SRRM2: variants seen among roughly 807,000 people sequenced by gnomAD.
The protein encoded by SRRM2 is serine/arginine repetitive matrix 2.
A neutral mutation model predicts 213.8 loss-of-function variants in SRRM2; 30 were observed. The observed-to-expected ratio is 0.14, with a 90% CI of 0.10 to 0.19. SRRM2 has a LOEUF of 0.19. SRRM2 is among the 10% of genes least tolerant of loss of function. SRRM2 has a pLI of 1.00. For synonymous variants in SRRM2, 2,025 were observed against 1,377.7 expected (o/e 1.47, Z -10.40); for missense variants, 4,904 against 3,647.0 (o/e 1.34, Z -8.88).
In SRRM2 at chr16:2,759,064, C is replaced by A; in HGVS notation, c.656+17C>A. On this transcript the variant is annotated intron_variant, in intron 6 of 14. Transcript: ENST00000301740. ...GAAGCACAGGTATGAGGTGGGAATACTTGAATGACTGGAGAAGGTTTGCTG... is the reference window on the plus strand; with the variant it reads ...GAAGCACAGGTATGAGGTGGGAATAATTGAATGACTGGAGAAGGTTTGCTG... 1 of 1,614,194 alleles carries A rather than the reference C, an allele frequency of 6.2e-7. No individual in the cohort carries two copies. The highest frequency in any genetic ancestry group is 8.5e-7 in the Non-Finnish European group (1 of 1,180,058).
intron 9 of SRRM2, chr16:2,760,086 T>A: frequency 1.7e-6 from 1 of 602,574 alleles, no homozygotes; most frequent in Non-Finnish European, 2.9e-6. Flanking sequence ...AGTAAAGGGG[T>A]AGAGGGAGAA....
At chr16:2,756,920 G>A (rs569714106) in intron 2 of SRRM2, among the ~76,000 whole-genome samples, 2 of 152,192 alleles carry the variant, frequency 1.3e-5, no homozygotes, top group African/African-American at 4.8e-5. Context: ...AGGTAGAGGA[G>A]CTAGGTAAGC....
chr16:2,765,179 G>C lies in SRRM2; in HGVS notation c.4651G>C (p.Ala1551Pro). 1 of 1,614,186 alleles carries C rather than the reference G, an allele frequency of 6.2e-7. No individual in the cohort carries two copies. The highest frequency in any genetic ancestry group is 8.5e-7 in the Non-Finnish European group (1 of 1,180,032). Residue 1551 changes from alanine to proline, a missense_variant, in exon 11 of 15, where the codon GCA becomes CCA. Physicochemically the swap from Ala to Pro is conservative, Grantham distance 27. Coordinates refer to ENST00000301740, the MANE Select transcript of SRRM2 (RefSeq NM_016333.4). The stretch of plus-strand genomic sequence containing the variant: ...TCAAGAACTTGATGTGAAACCCAGT[G>C]CATCCCCTCAGGAAAGAAGTGAGTC... ...SSQELDVKPS[A>P]SPQERSESDS...
At chr16:2,768,796 C>T (rs2068632062) in intron 11 of SRRM2, 18 of 994,092 alleles carry the variant, frequency 1.8e-5, no homozygotes, top group Non-Finnish European at 2.5e-5. Flanking sequence ...ATGCTGCGGG[C>T]CCCAGCCTGT....
chr16:2,767,536 A>G lies in SRRM2; in HGVS notation c.7008A>G (p.Ala2336=), dbSNP rs1448075916. Residue 2336 remains alanine, a synonymous_variant, in exon 11 of 15, where the codon GCA becomes GCG. Coordinates refer to ENST00000301740, the MANE Select transcript of SRRM2 (RefSeq NM_016333.4). ...GAACACCACAGGCTCCAGCCTCTGC[A>G]AACCTGGTGGGTCCTCGGTCTGCAC... ...SSRTPQAPAS[A]NLVGPRSAHA... is the part of the protein sequence containing the mutation. 1 of 1,614,160 alleles carries G rather than the reference A, an allele frequency of 6.2e-7. No homozygotes were observed. Among genetic ancestry groups the G allele is most frequent in the South Asian group, 1.1e-5 (1 of 91,084 alleles).
At chr16:2,769,711 T>A in intron 12 of SRRM2, 1 of 479,066 alleles carries the variant, frequency 2.1e-6, no homozygotes, top group Non-Finnish European at 4.1e-6. Flanking sequence ...TCTGGCTACT[T>A]CCCTCCACTC....
chr16:2,759,388 C>G lies in SRRM2; in HGVS notation c.726C>G (p.Asp242Glu). Residue 242 changes from aspartate to glutamate, a missense_variant, in exon 8 of 15, where the codon GAC becomes GAG. By Grantham distance (45) the Asp-to-Glu change is conservative (BLOSUM62 2). Transcript: ENST00000301740. ...PTPKSKRKSK[D>E]KKRKRSRSTT... ...CAAAGAGCAAACGTAAATCTAAGGA[C>G]AAAAAGCGAAAGCGGTGAGTGAATT... is the stretch of plus-strand genomic sequence containing the variant. 3 of 1,594,000 alleles carry G rather than the reference C, an allele frequency of 1.9e-6. No homozygotes were observed. The highest frequency in any genetic ancestry group is 2.6e-6 in the Non-Finnish European group (3 of 1,174,076).
In SRRM2 at chr16:2,766,634, C is replaced by G. The variant is rs777929992; in HGVS notation, c.6106C>G (p.Leu2036Val). 1 of 1,614,038 alleles carries G rather than the reference C, an allele frequency of 6.2e-7. No individual in the cohort carries two copies. The highest frequency in any genetic ancestry group is 8.5e-7 in the Non-Finnish European group (1 of 1,179,924). The change falls in exon 11 of 15, where the codon CTG (leucine) becomes GTG (valine). Residue 2036 changes from leucine to valine, a missense_variant. By Grantham distance (32) the Leu-to-Val change is conservative (BLOSUM62 1). Coordinates refer to ENST00000301740, the MANE Select transcript of SRRM2 (RefSeq NM_016333.4). The surrounding 1 kb of genome is among the most constrained non-coding windows in gnomAD (Gnocchi z 7.0). ...GCGCCGCTCTAGATCTCGAACGCCA[C>G]TGTTACCACGCAAACGTTCTCGAAG... ...IRRRSRSRTP[L>V]LPRKRSRSRS...
In SRRM2 at chr16:2,769,441, G is replaced by C. The variant is rs2068661687; in HGVS notation, c.8021+157G>C. 6 of 873,636 alleles carry C rather than the reference G, an allele frequency of 6.9e-6. No individual in the cohort carries two copies. In the Admixed American group the frequency reaches 7.6e-5, roughly 11 times the overall value. The allele number at this position is 873,636 out of a possible 1,614,324, so 54.1% of individuals were successfully genotyped here. A position where few individuals can be genotyped will look rare whatever the true frequency, so the allele number is the denominator to read the frequency against. On this transcript the variant is annotated intron_variant, in intron 12 of 14. Transcript: ENST00000301740. Reference sequence around the variant, plus strand: ...TTGCTCTCCTCTCCCCATGCTCGTTGCACCCTGTTCTGGCGAAGGGCTGCG... The same window carrying C: ...TTGCTCTCCTCTCCCCATGCTCGTTCCACCCTGTTCTGGCGAAGGGCTGCG...
Position 2,769,180 on chromosome 16 carries a change from A to G in SRRM2, c.7917A>G (p.Ser2639=). ...CTTCCTCTTCTTCTTCTTCCTCCTC[A>G]TCTTCCTCCTCCTCGTCGTCTTCCT... ...SSSSSSSSSS[S]SSSSSSSSSP... Residue 2639 remains serine, a synonymous_variant, in exon 12 of 15, where the codon TCA becomes TCG. Transcript: ENST00000301740. The G allele has an allele frequency of 1.9e-6, 3 of 1,605,398 alleles. No individual in the cohort carries two copies. The highest frequency in any genetic ancestry group is 1.1e-5 in the South Asian group (1 of 90,324).
At position 2,764,263 on chromosome 16, in the gene SRRM2, T is replaced by A; in HGVS notation, c.3735T>A (p.Ser1245=). 1 of 1,613,984 alleles carries A rather than the reference T, an allele frequency of 6.2e-7. No individual in the cohort carries two copies. The highest frequency in any genetic ancestry group is 1.6e-4 in the Middle Eastern group (1 of 6,062). The change falls in exon 11 of 15, where the codon TCT becomes TCA. Residue 1245 remains serine, a synonymous_variant. Transcript: ENST00000301740. ...DEELMEVVEK[S]EEPAGQILSH... Reference sequence around the variant, plus strand: ...AGTTAATGGAGGTGGTAGAGAAGTCTGAAGAACCCGCAGGCCAAATCCTGT... The same window carrying A: ...AGTTAATGGAGGTGGTAGAGAAGTCAGAAGAACCCGCAGGCCAAATCCTGT...
chr16:2,757,410 G>A (rs2068183214), intron 2 of SRRM2, 62 bp from the exon 3 acceptor site: 1 of 1,515,088 alleles, frequency 6.6e-7, no homozygotes, highest in South Asian at 1.2e-5. Context: ...TGAGGGAAAT[G>A]GAAACCTGGG....
At chr16:2,768,320 G>A (rs1186459066) in intron 11 of SRRM2, 59 bp downstream of exon 11, 2 of 1,490,908 alleles carry the variant, frequency 1.3e-6, no homozygotes, top group African/African-American at 2.8e-5. Context: ...ATGGGTTGGG[G>A]AGTGGGGAGG....
chr16:2,762,455 A>G lies in SRRM2; in HGVS notation c.1927A>G (p.Arg643Gly), dbSNP rs1264090755. 1.2e-6 allele frequency: 2 copies of G among 1,613,766 alleles called. No homozygotes were observed. The highest frequency in any genetic ancestry group is 1.7e-6 in the Non-Finnish European group (2 of 1,179,952). ...RRSRSRSPARRSGRSRSRTPA... is the reference protein window; with the variant it reads ...RRSRSRSPARGSGRSRSRTPA... ...GTCTCGTAGTAGATCACCAGCCAGG[A>G]GAAGTGGCAGGTCACGCTCTAGAAC... is the stretch of plus-strand genomic sequence containing the variant. Residue 643 changes from arginine to glycine, a missense_variant, in exon 11 of 15, where the codon AGA (arginine) becomes GGA (glycine). Arg to Gly is a moderately radical substitution (Grantham distance 125, BLOSUM62 -2). Transcript: ENST00000301740.
At position 2,764,293 on chromosome 16, in the gene SRRM2, T is replaced by A; in HGVS notation, c.3765T>A (p.His1255Gln). 6.2e-7 allele frequency: 1 copy of A among 1,614,048 alleles called. No individual in the cohort carries two copies. The highest frequency in any genetic ancestry group is 8.5e-7 in the Non-Finnish European group (1 of 1,180,002). ...SEEPAGQILS[H>Q]LSSELKEMST... The stretch of plus-strand genomic sequence containing the variant: ...AACCCGCAGGCCAAATCCTGTCTCA[T>A]TTGTCTTCAGAACTTAAAGAAATGT... The change falls in exon 11 of 15, where the codon CAT (histidine) becomes CAA (glutamine). Residue 1255 changes from histidine (H) to glutamine (Q), a missense_variant. By Grantham distance (24) the His-to-Gln change is conservative (BLOSUM62 0). Transcript: ENST00000301740.
rs747787842 is a variant in SRRM2 at position 2,767,371 on chromosome 16, T to C, written c.6843T>C (p.Ala2281=). The C allele has an allele frequency of 2.5e-6, 4 of 1,613,706 alleles. No homozygotes were observed. The African/African-American group carries it at 5.3e-5, about 22-fold the overall frequency. The change falls in exon 11 of 15, where the codon GCT becomes GCC. Residue 2281 remains alanine (A), a synonymous_variant. Coordinates refer to ENST00000301740, the MANE Select transcript of SRRM2 (RefSeq NM_016333.4). ...ASPRTAVAPS[A]VNLADPRTPT... ...CCAGAACAGCGGTGGCACCTTCGGC[T>C]GTGAACCTGGCTGACCCTCGCACTC...
rs144257955 is a variant in SRRM2 at position 2,768,065 on chromosome 16, A to G, written c.7537A>G (p.Thr2513Ala). The G allele has an allele frequency of 4.9e-3, 7,944 of 1,614,038 alleles. 27 individuals are homozygous for G. Among genetic ancestry groups the G allele is most frequent in the Non-Finnish European group, 6.0e-3 (7,120 of 1,179,950 alleles). ...TGATGTGGGGGAGCCACCTGCCTCT[A>G]CTGGGGCCCAGCAGCCTTCTGCATT... Reference protein sequence around the residue: ...HSDVGEPPASTGAQQPSALAA... With the variant: ...HSDVGEPPASAGAQQPSALAA... The change falls in exon 11 of 15, where the codon ACT becomes GCT. Residue 2513 changes from threonine to alanine, a missense_variant. Transcript: ENST00000301740.
At position 2,763,833 on chromosome 16, in the gene SRRM2, C is replaced by T. The variant is rs1197732729; in HGVS notation, c.3305C>T (p.Ser1102Leu). ...TSPKGGRSRS[S>L]SPVTELASRS... ...CCTAAGGGAGGTCGGTCCAGGTCTT[C>T]ATCTCCAGTCACTGAGCTGGCATCC... The change falls in exon 11 of 15, where the codon TCA (serine) becomes TTA (leucine). Residue 1102 changes from serine to leucine, a missense_variant. By Grantham distance (145) the Ser-to-Leu change is moderately radical. Transcript: ENST00000301740. 6.2e-7 allele frequency: 1 copy of T among 1,614,236 alleles called. No individual in the cohort carries two copies. Among genetic ancestry groups the T allele is most frequent in the Admixed American group, 1.7e-5 (1 of 60,028 alleles).
Position 2,756,404 on chromosome 16 carries a change from G to A in SRRM2, c.40G>A (p.Gly14Ser), listed in dbSNP as rs774648199. The part of the protein sequence containing the change: ...GIGLPTPRGS[G>S]TNGYVQRNLS... Reference sequence around the variant, plus strand: ...CGGGCTGCCGACGCCCCGGGGCAGCGGCACCAACGGCTACGTCCAGCGCAA... The same window carrying A: ...CGGGCTGCCGACGCCCCGGGGCAGCAGCACCAACGGCTACGTCCAGCGCAA... Residue 14 changes from glycine (G) to serine (S), a missense_variant, in exon 2 of 15, where the codon GGC becomes AGC. Coordinates refer to ENST00000301740, the MANE Select transcript of SRRM2 (RefSeq NM_016333.4). 1.2e-6 allele frequency: 2 copies of A among 1,609,046 alleles called. No individual in the cohort carries two copies. Among genetic ancestry groups the A allele is most frequent in the East Asian group, 2.2e-5 (1 of 44,646 alleles).
Sources: gnomAD v4.1 joint callset for allele counts (sites outside exome capture counted in the v4.1 genomes callset) on GRCh38, gnomAD v4.1.1 for gene constraint, Gnocchi (gnomAD v3.1) non-coding constraint, MANE v1.5 for transcripts, NCBI Gene and HGNC (gene_info 2026-07-23, HGNC 2026-07-21) for gene names.